ARHGEF18: variants seen among roughly 807,000 people sequenced by gnomAD.
ARHGEF18 encodes the protein rho guanine nucleotide exchange factor 18.
ARHGEF18 carries 93 observed loss-of-function variants against 155.7 expected under a neutral mutation model. That is an observed-to-expected ratio of 0.60 (90% CI 0.50 to 0.71). ARHGEF18 has a LOEUF of 0.71. Ranked by LOEUF, ARHGEF18 falls within the 30% of genes least tolerant of loss-of-function variation. The probability of loss-of-function intolerance (pLI) is 0.00; values close to 1 mark genes in which losing one functional copy is unlikely to be tolerated. For synonymous variants in ARHGEF18, 742 were observed against 753.1 expected (o/e 0.99, Z 0.24); for missense variants, 1,593 against 1,816.1 (o/e 0.88, Z 2.23).
At chr19:7,451,376 C>G (rs540276253) in intron 16 of ARHGEF18, 110 bp downstream of exon 16, 2 of 871,386 alleles carry the variant, frequency 2.3e-6, no homozygotes, top group South Asian at 1.8e-5. Flanking sequence ...CCTTTGAAAT[C>G]CAGTTTGCTG....
chr19:7,472,977 C>G (rs747078045), downstream of ARHGEF18: 1 of 456,052 alleles, frequency 2.2e-6, no homozygotes, highest in Non-Finnish European at 4.4e-6. Context: ...GCTGGGATTA[C>G]GGGCACAGGG....
At position 7,440,068 on chromosome 19, in the gene ARHGEF18, G is replaced by C; in HGVS notation, c.968-276G>C. ...CATAAAAACGGCGCAGCCCAGCCTG[G>C]CGCCGCGCCGGGTCCCGGAGCCCCG... On this transcript the variant is annotated intron_variant, in intron 10 of 28. Coordinates refer to ENST00000668164, the MANE Select transcript of ARHGEF18 (RefSeq NM_001367823.1). This position sits in a 1 kb window ranked among gnomAD's most constrained non-coding sequence, Gnocchi z 5.4. 1.9e-6 allele frequency: 3 copies of C among 1,550,504 alleles called. No homozygotes were observed. The highest frequency in any genetic ancestry group is 2.6e-6 in the Non-Finnish European group (3 of 1,146,616).
chr19:7,372,293 T>C (rs934925052), intron 2 of ARHGEF18, among the ~76,000 whole-genome samples: 1 of 151,926 alleles, frequency 6.6e-6, no homozygotes, highest in African/African-American at 2.4e-5. Flanking sequence ...GACGGTTGCA[T>C]AGGAGTTCAC....
chr19:7,352,187 G>A lies in ARHGEF18; in HGVS notation c.-111+2946G>A, dbSNP rs552865461. 1.7e-4 allele frequency among the ~76,000 whole-genome samples: 26 copies of A among 151,804 alleles called. No individual in the cohort carries two copies. The South Asian group carries it at 4.2e-3, about 24-fold the overall frequency. ...ATGGTGTCATTTTCCTCCATAGAGC[G>A]TTTATTTTTGCTTTGGGCAGGCAGT... is the stretch of plus-strand genomic sequence containing the variant. On this transcript the variant is annotated intron_variant, in intron 1 of 28. Coordinates refer to ENST00000668164, the MANE Select transcript of ARHGEF18 (RefSeq NM_001367823.1).
rs773091582 is a variant in ARHGEF18, at chr19:7,470,232, G to A, written c.4020G>A (p.Ser1340=). 40 of 1,606,530 alleles carry A rather than the reference G, an allele frequency of 2.5e-5. No homozygotes were observed. The highest frequency in any genetic ancestry group is 2.0e-4 in the South Asian group (18 of 90,618). ...TALLPGPPAP[S]PLPATPLSAK... is the part of the protein sequence containing the mutation. ...TCCTGCCCGGGCCCCCAGCTCCCTC[G>A]CCACTGCCGGCCACACCACTCAGCG... The change falls in exon 29 of 29, where the codon TCG becomes TCA. Residue 1340 remains serine (S), a synonymous_variant. Coordinates refer to ENST00000668164, the MANE Select transcript of ARHGEF18 (RefSeq NM_001367823.1). This position sits in a 1 kb window ranked among gnomAD's most constrained non-coding sequence, Gnocchi z 5.9.
chr19:7,478,774 G>A, the ARHGEF18 span, among the ~76,000 whole-genome samples: 3 of 152,248 alleles, frequency 2.0e-5, no homozygotes, highest in African/African-American at 7.2e-5. Flanking sequence ...CCGGGCCTCA[G>A]CTGCCTTGTC....
At chr19:7,389,091 T>A (rs1200004868) in intron 10 of ARHGEF18, among the ~76,000 whole-genome samples, 1 of 150,838 alleles carries the variant, frequency 6.6e-6, no homozygotes, top group East Asian at 1.9e-4. Flanking sequence ...GCTCAAGAGA[T>A]CCTCCCACTT....
intron 1 of ARHGEF18, among the ~76,000 whole-genome samples, chr19:7,352,832 CT>C (rs587602037): frequency 0.016 from 815 of 49,772 alleles, 7 homozygotes; most frequent in East Asian, 0.12. Flanking sequence ...CGTGCCTGGC[CT>C]TTTTTTTTTT....
intron 10 of ARHGEF18, among the ~76,000 whole-genome samples, chr19:7,435,947 C>A (rs1215582464): frequency 6.6e-6 from 1 of 152,102 alleles, no homozygotes; most frequent in Non-Finnish European, 1.5e-5. Context: ...AATTTTCCCA[C>A]CTCAGCCTCC....
At chr19:7,389,962 G>T (rs1219550315) in intron 10 of ARHGEF18, among the ~76,000 whole-genome samples, 1 of 152,176 alleles carries the variant, frequency 6.6e-6, no homozygotes, top group Non-Finnish European at 1.5e-5. Context: ...AGCGCTTTGG[G>T]AGGCTGAGGC....
intron 23 of ARHGEF18, among the ~76,000 whole-genome samples, chr19:7,466,485 C>G (rs1315873955): frequency 1.4e-5 from 2 of 145,996 alleles, no homozygotes; most frequent in East Asian, 2.0e-4. Flanking sequence ...CCACTACACT[C>G]TAGAGCAAGG....
At chr19:7,404,854 CAG>C (rs1356812325) in intron 10 of ARHGEF18, among the ~76,000 whole-genome samples, 1 of 152,128 alleles carries the variant, frequency 6.6e-6, no homozygotes. Context: ...TGACCAAAAA[CAG>C]AACATTCTAT....
rs776138789 is a variant in ARHGEF18, at chr19:7,470,193, CG to C, written c.3986del (p.Gly1329AlafsTer75). On this transcript the variant is annotated frameshift_variant, in exon 29 of 29. Transcript: ENST00000668164. LOFTEE classifies it low-confidence loss of function (END_TRUNC). The surrounding 1 kb of genome is among the most constrained non-coding windows in gnomAD (Gnocchi z 5.9). ...SPSEGFSLKAGGTALLPGPPA... is the reference protein window; with the variant it reads ...SPSEGFSLKAXGTALLPGPPA... ...CCTCCGAGGGCTTCTCTCTCAAGGC[CG>C]GGGGCACAGCCCTCCTGCCCGGGCC... 1.7e-5 allele frequency: 27 copies of C among 1,611,832 alleles called. No homozygotes were observed. Among genetic ancestry groups the C allele is most frequent in the Non-Finnish European group, 2.3e-5 (27 of 1,179,614 alleles).
chr19:7,456,993 C>G (rs1031511160), intron 18 of ARHGEF18, among the ~76,000 whole-genome samples: 6 of 152,110 alleles, frequency 3.9e-5, no homozygotes, highest in Non-Finnish European at 8.8e-5. Context: ...GCCTTGGCCT[C>G]CCAAAGTGAT....
intron 26 of ARHGEF18, among the ~76,000 whole-genome samples, chr19:7,468,302 C>G (rs892819939): frequency 6.6e-6 from 1 of 151,242 alleles, no homozygotes; most frequent in African/African-American, 2.4e-5. Context: ...CCTAGCTACT[C>G]GGGAGGCTGA....
chr19:7,434,646 C>T (rs979677571), intron 10 of ARHGEF18, among the ~76,000 whole-genome samples: 2 of 152,134 alleles, frequency 1.3e-5, no homozygotes, highest in African/African-American at 4.8e-5. Flanking sequence ...TAGGAAAAAC[C>T]GTAGCAGGAG....
Position 7,414,075 on chromosome 19 carries a change from G to T in ARHGEF18, c.968-26269G>T, listed in dbSNP as rs12976986. 3.7e-3 allele frequency among the ~76,000 whole-genome samples: 570 copies of T among 152,000 alleles called. 1 individual carries two copies. Among genetic ancestry groups the T allele is most frequent in the African/African-American group, 0.013 (544 of 41,436 alleles). On this transcript the variant is annotated intron_variant, in intron 10 of 28. Coordinates refer to ENST00000668164, the MANE Select transcript of ARHGEF18 (RefSeq NM_001367823.1). Reference sequence around the variant, plus strand: ...AGGGTTTCCCAGCCTAGATACTGTAGGCATTTGGGGCCGGATCATTCTTTG... The same window carrying T: ...AGGGTTTCCCAGCCTAGATACTGTATGCATTTGGGGCCGGATCATTCTTTG...
chr19:7,457,551 T>C (rs12971753), intron 18 of ARHGEF18, among the ~76,000 whole-genome samples: 36,339 of 151,146 alleles, frequency 0.24, 4,506 homozygotes, highest in East Asian at 0.29. Flanking sequence ...TTAGTAGAGA[T>C]GGGGTTTCAC....
Position 7,375,723 on chromosome 19 carries a change from C to T in ARHGEF18, c.279C>T (p.Leu93=), listed in dbSNP as rs756309324. Residue 93 remains leucine (L), a synonymous_variant, in exon 4 of 29, where the codon CTC becomes CTT. Coordinates refer to ENST00000668164, the MANE Select transcript of ARHGEF18 (RefSeq NM_001367823.1). ...AGTACCCTGTCTTCTCCACTAGGCT[C>T]AGCCTCGATGCCTCAGCTGTGGATG... ...SRSCSESWRR[L]SLDASAVDEE... 15 of 1,234,296 alleles carry T rather than the reference C, an allele frequency of 1.2e-5. 1 individual carries two copies. The highest frequency in any genetic ancestry group is 3.0e-6 in the Non-Finnish European group (3 of 988,228). 76.5% of individuals were successfully genotyped at this position (1,234,296 alleles called of 1,614,324 possible).
Sources: gnomAD v4.1 joint callset for allele counts (sites outside exome capture counted in the v4.1 genomes callset) on GRCh38, gnomAD v4.1.1 for gene constraint, Gnocchi (gnomAD v3.1) non-coding constraint, MANE v1.5 for transcripts, NCBI Gene and HGNC (gene_info 2026-07-23, HGNC 2026-07-21) for gene names.